Variants in MITD1 observed in about 807,000 individuals in gnomAD.
MITD1 encodes the protein microtubule interacting and trafficking domain containing 1.
MITD1 carries 24 observed loss-of-function variants against 34.9 expected under a neutral mutation model. That is an observed-to-expected ratio of 0.69 (90% CI 0.50 to 0.97). The LOEUF (loss-of-function observed/expected upper bound fraction) is 0.97, where lower values mean the gene tolerates loss of function less well. Among genes scored for constraint, MITD1 ranks in the 50% least tolerant of loss-of-function variants. The probability of loss-of-function intolerance (pLI) is 0.00; values close to 1 mark genes in which losing one functional copy is unlikely to be tolerated. For synonymous variants in MITD1, 102 were observed against 101.4 expected, an observed-to-expected ratio of 1.01 and a Z score of -0.04; for missense variants, 266 against 294.6, an observed-to-expected ratio of 0.90 and a Z score of 0.71.
chr2:99,165,127 G>A (rs2093822418), downstream of MITD1, among the ~76,000 whole-genome samples: 1 of 151,572 alleles, frequency 6.6e-6, no homozygotes, highest in South Asian at 2.1e-4. Flanking sequence ...GAATACAGAG[G>A]TATGATCTCA....
downstream of MITD1, among the ~76,000 whole-genome samples, chr2:99,164,451 C>G (rs931372983): frequency 1.2e-4 from 19 of 152,172 alleles, no homozygotes; most frequent in Admixed American, 2.0e-4. Flanking sequence ...TCTGGAGTAG[C>G]CGGAACTACA....
chr2:99,173,594 T>C (rs1280662961), intron 2 of MITD1: 8 of 469,780 alleles, frequency 1.7e-5, no homozygotes, highest in Non-Finnish European at 3.4e-5. Context: ...TAACATAGGG[T>C]CCACACATAA....
At chr2:99,168,487 C>A (rs1326065908), downstream of MITD1, among the ~76,000 whole-genome samples, 1 of 152,182 alleles carries the variant, frequency 6.6e-6, no homozygotes, top group Non-Finnish European at 1.5e-5. Flanking sequence ...TAGCATACAA[C>A]CCCTCTTCAG....
chr2:99,169,749 C>A, intron 5 of MITD1, 139 bp from the exon 6 acceptor site: 1 of 614,956 alleles, frequency 1.6e-6, no homozygotes, highest in Middle Eastern at 4.3e-4. Flanking sequence ...TGAATCAAAC[C>A]TGGGGTTCAT....
chr2:99,166,224 A>G (rs2093825940), downstream of MITD1, among the ~76,000 whole-genome samples: 1 of 151,834 alleles, frequency 6.6e-6, no homozygotes, highest in Admixed American at 6.6e-5. Context: ...CCTAGTACCT[A>G]GCTTGGGAGA....
chr2:99,168,946 A>ATTT (rs1175310553), downstream of MITD1, among the ~76,000 whole-genome samples: 168 of 49,322 alleles, frequency 3.4e-3, 9 homozygotes, highest in Non-Finnish European at 4.7e-3. Flanking sequence ...TGCCCGGCTA[A>ATTT]TTTTTTTTTT....
At chr2:99,175,852 C>T (rs917916333) in intron 1 of MITD1, among the ~76,000 whole-genome samples, 1 of 152,190 alleles carries the variant, frequency 6.6e-6, no homozygotes, top group African/African-American at 2.4e-5. Flanking sequence ...TCAGCTTTGG[C>T]TTTGACATCT....
rs772570636 is a variant in MITD1, at chr2:99,171,575, C to T, written c.325G>A (p.Glu109Lys). 1.4e-5 allele frequency: 22 copies of T among 1,612,246 alleles called. No homozygotes were observed. Among genetic ancestry groups the T allele is most frequent in the African/African-American group, 5.3e-5 (4 of 74,842 alleles). Reference protein sequence around the residue: ...TGFSYESLFREYLNETVTEVW... With the variant: ...TGFSYESLFRKYLNETVTEVW... ...TCTGTAACTGTCTCATTAAGGTATT[C>T]GCGAAAAAGTGACTCATAACTGAAA... is the stretch of plus-strand genomic sequence containing the variant. The change falls in exon 3 of 7, where the codon GAA becomes AAA. Residue 109 changes from glutamate to lysine, a missense_variant. Physicochemically the swap from Glu to Lys is moderately conservative, Grantham distance 56. Coordinates refer to ENST00000289359, the MANE Select transcript of MITD1 (RefSeq NM_138798.3).
chr2:99,164,077 A>G (rs907014956), intron 7 of MITD1, among the ~76,000 whole-genome samples: 1 of 152,178 alleles, frequency 6.6e-6, no homozygotes, highest in Non-Finnish European at 1.5e-5. Context: ...GAAAGATCAT[A>G]TAATCATTGA....
intron 1 of MITD1, among the ~76,000 whole-genome samples, chr2:99,179,074 T>C (rs1476529245): frequency 1.3e-5 from 2 of 152,244 alleles, no homozygotes; most frequent in Admixed American, 1.3e-4. Flanking sequence ...TATCTATAGA[T>C]ATCTCTCTCC....
chr2:99,165,652 G>T (rs1224636681), downstream of MITD1, among the ~76,000 whole-genome samples: 4 of 151,894 alleles, frequency 2.6e-5, no homozygotes, highest in East Asian at 7.7e-4. Context: ...TCAGCATCTG[G>T]GTCCCCTTAT....
At chr2:99,172,820 T>C (rs2093866160) in intron 2 of MITD1, 1 of 151,584 alleles carries the variant, frequency 6.6e-6, no homozygotes, top group Non-Finnish European at 1.5e-5. Context: ...CAGGCAGAGG[T>C]TGCAGTAAGC....
chr2:99,165,806 C>G (rs1298334944), downstream of MITD1, among the ~76,000 whole-genome samples: 1 of 152,082 alleles, frequency 6.6e-6, no homozygotes, highest in Non-Finnish European at 1.5e-5. Flanking sequence ...TGCAACTGCT[C>G]CATATTTTGA....
intron 1 of MITD1, among the ~76,000 whole-genome samples, chr2:99,174,781 G>A (rs1274262781): frequency 6.6e-6 from 1 of 152,110 alleles, no homozygotes; most frequent in East Asian, 1.9e-4. Flanking sequence ...AGTAGAGACT[G>A]GGTTTCACCA....
Position 99,180,830 on chromosome 2 carries a change from C to G in MITD1, c.151+1G>C. 6.2e-7 allele frequency: 1 copy of G among 1,613,958 alleles called. No individual in the cohort carries two copies. Among genetic ancestry groups the G allele is most frequent in the South Asian group, 1.1e-5 (1 of 91,046 alleles). Reference sequence around the variant, plus strand: ...CCTCCCCGCCTTGGCTCATTGCTCACCTTTCAGAACCTGCAGGAGCAGATC... The same window carrying G: ...CCTCCCCGCCTTGGCTCATTGCTCAGCTTTCAGAACCTGCAGGAGCAGATC... On this transcript the variant is annotated splice_donor_variant, in intron 1 of 6. Coordinates refer to ENST00000289359, the MANE Select transcript of MITD1 (RefSeq NM_138798.3). LOFTEE classifies it high-confidence loss of function.
Position 99,180,992 on chromosome 2 carries a change from G to A in MITD1, c.-11C>T. The A allele has an allele frequency of 1.2e-6, 2 of 1,611,578 alleles. No homozygotes were observed. Among genetic ancestry groups the A allele is most frequent in the Non-Finnish European group, 1.7e-6 (2 of 1,178,738 alleles). On this transcript the variant is annotated 5_prime_UTR_variant, in exon 1 of 7. Transcript: ENST00000289359. ...CCCGGACTTCGCCATAATTCTGGAA[G>A]TTCTCCTCCGCCTCAACCCAGGATG...
In MITD1 at chr2:99,171,545, A is replaced by G; in HGVS notation, c.355T>C (p.Trp119Arg). The G allele has an allele frequency of 6.2e-7, 1 of 1,612,222 alleles. No homozygotes were observed. Among genetic ancestry groups the G allele is most frequent in the Non-Finnish European group, 8.5e-7 (1 of 1,178,466 alleles). ...TGTCTAATATAAGGATCTTCTATCCAAACTTCTGTAACTGTCTCATTAAGG... is the reference window on the plus strand; with the variant it reads ...TGTCTAATATAAGGATCTTCTATCCGAACTTCTGTAACTGTCTCATTAAGG... ...EYLNETVTEV[W>R]IEDPYIRHTH... The change falls in exon 3 of 7, where the codon TGG becomes CGG. Residue 119 changes from tryptophan (W) to arginine (R), a missense_variant. By Grantham distance (101) the Trp-to-Arg change is moderately radical (BLOSUM62 -3). Coordinates refer to ENST00000289359, the MANE Select transcript of MITD1 (RefSeq NM_138798.3).
chr2:99,165,049 CACACACACACACAT>C (rs1277875227), downstream of MITD1, among the ~76,000 whole-genome samples: 2 of 121,166 alleles, frequency 1.7e-5, no homozygotes, highest in Non-Finnish European at 3.8e-5. Context: ...CACACACACA[CACACACACACACAT>C]ATATATATAG....
At chr2:99,166,329 G>C (rs972351155), downstream of MITD1, among the ~76,000 whole-genome samples, 1 of 152,010 alleles carries the variant, frequency 6.6e-6, no homozygotes, top group African/African-American at 2.4e-5. Context: ...TGGGTCAAAT[G>C]CTTCTGAAAG....
Sources: allele counts gnomAD v4.1 joint callset (sites outside exome capture counted in the v4.1 genomes callset), GRCh38; gene constraint gnomAD v4.1.1; transcripts MANE v1.5; gene names NCBI Gene and HGNC (gene_info 2026-07-23, HGNC 2026-07-21).